The following TMEM63A variants were observed in gnomAD, a reference collection of about 807,000 sequenced individuals.
TMEM63A encodes mechanosensitive cation channel TMEM63A.
In TMEM63A, 76 loss-of-function variants were observed where a neutral mutation model predicts 100.6. The observed-to-expected ratio is 0.76, with a 90% CI of 0.63 to 0.91. The LOEUF (loss-of-function observed/expected upper bound fraction) is 0.91, where lower values mean the gene tolerates loss of function less well. Among genes scored for constraint, TMEM63A ranks in the 40% least tolerant of loss-of-function variants. The pLI is 0.00. For missense variants in TMEM63A, 876 were observed against 1,008.8 expected, an observed-to-expected ratio of 0.87 and a Z score of 1.78; for synonymous variants, 401 against 401.1, an observed-to-expected ratio of 1.00 and a Z score of 0.00.
chr1:225,866,418 G>T, intron 9 of TMEM63A, 156 bp downstream of exon 9: 2 of 621,244 alleles, frequency 3.2e-6, no homozygotes, highest in Non-Finnish European at 2.8e-6. Flanking sequence ...TTTTAAAGAT[G>T]GTGCCAAGTG....
At chr1:225,847,279 C>T (rs1032946114) in intron 23 of TMEM63A, 66 bp from the exon 24 acceptor site, 5 of 1,560,454 alleles carry the variant, frequency 3.2e-6, no homozygotes, top group East Asian at 2.3e-5. Context: ...TCCCTCCCCT[C>T]CTGCCCTTCT....
chr1:225,880,159 G>A (rs535312087), intron 1 of TMEM63A, among the ~76,000 whole-genome samples: 114 of 152,276 alleles, frequency 7.5e-4, no homozygotes, highest in African/African-American at 2.6e-3. Context: ...ATCAGCCTGA[G>A]ACGGAGGTAA....
At chr1:225,854,504 A>G (rs1669514366) in intron 18 of TMEM63A, among the ~76,000 whole-genome samples, 1 of 152,186 alleles carries the variant, frequency 6.6e-6, no homozygotes, top group Non-Finnish European at 1.5e-5. Flanking sequence ...GAGGGATAGA[A>G]AGGAAACAAG....
At chr1:225,866,030 T>A in intron 9 of TMEM63A, 63 bp from the exon 10 acceptor site, 1 of 1,551,720 alleles carries the variant, frequency 6.4e-7, no homozygotes, top group Non-Finnish European at 8.9e-7. Context: ...TATGCTCAGG[T>A]TTCCTACCCA....
intron 3 of TMEM63A, among the ~76,000 whole-genome samples, chr1:225,875,842 T>C (rs950227608): frequency 3.3e-5 from 5 of 150,656 alleles, no homozygotes; most frequent in African/African-American, 1.2e-4. Flanking sequence ...GGCTGGTGAA[T>C]CGCTTGAGCT....
chr1:225,858,456 C>T (rs1296782556), intron 15 of TMEM63A, among the ~76,000 whole-genome samples: 1 of 151,300 alleles, frequency 6.6e-6, no homozygotes, highest in African/African-American at 2.4e-5. Context: ...TCCTGACTAT[C>T]TGGGATTATA....
intron 3 of TMEM63A, among the ~76,000 whole-genome samples, chr1:225,877,146 A>G (rs360094): frequency 0.57 from 87,071 of 152,034 alleles, 26,839 homozygotes; most frequent in Non-Finnish European, 0.67. Flanking sequence ...GCATAGCTAT[A>G]TGAGTATTCT....
intron 6 of TMEM63A, among the ~76,000 whole-genome samples, chr1:225,868,517 A>G (rs1670331832): frequency 6.6e-6 from 1 of 151,308 alleles, no homozygotes; most frequent in African/African-American, 2.4e-5. Context: ...CTACTAAAAA[A>G]TACTAAAAAA....
At chr1:225,855,825 G>A in intron 18 of TMEM63A, 53 bp downstream of exon 18, 1 of 1,587,800 alleles carries the variant, frequency 6.3e-7, no homozygotes, top group Non-Finnish European at 8.6e-7. Flanking sequence ...CCCAGCCCCT[G>A]TGGGACTTTC....
At chr1:225,877,208 T>A (rs1670848615) in intron 3 of TMEM63A, among the ~76,000 whole-genome samples, 187 bp downstream of exon 3, 1 of 152,158 alleles carries the variant, frequency 6.6e-6, no homozygotes, top group South Asian at 2.1e-4. Flanking sequence ...GATCTCCATT[T>A]CCGGAGCAGA....
At chr1:225,842,409 T>G (rs1576040578), downstream of TMEM63A, 7 of 1,614,010 alleles carry the variant, frequency 4.3e-6, no homozygotes, top group Non-Finnish European at 5.9e-6. Flanking sequence ...CTGCCTATAT[T>G]CTAGAGAAGT....
chr1:225,878,308 AGAG>A (rs977182291), intron 2 of TMEM63A, among the ~76,000 whole-genome samples: 2 of 152,182 alleles, frequency 1.3e-5, no homozygotes, highest in African/African-American at 4.8e-5. Context: ...ACTTTGCCAC[AGAG>A]GAGAAAGTAA....
intron 5 of TMEM63A, 21 bp from the exon 6 acceptor site, chr1:225,871,134 G>A: frequency 6.2e-7 from 1 of 1,612,794 alleles, no homozygotes; most frequent in Non-Finnish European, 8.5e-7. Context: ...AGAGAACAGG[G>A]ATTAGCTTCC....
At chr1:225,850,188 C>T in intron 20 of TMEM63A, 109 bp from the exon 21 acceptor site, 1 of 1,291,382 alleles carries the variant, frequency 7.7e-7, no homozygotes, top group South Asian at 1.4e-5. Context: ...GCTGGGGCTG[C>T]TGCTCTACTG....
At chr1:225,873,055 A>G (rs1486466258) in intron 4 of TMEM63A, among the ~76,000 whole-genome samples, 2 of 152,072 alleles carry the variant, frequency 1.3e-5, no homozygotes, top group East Asian at 3.9e-4. Flanking sequence ...AAGACAAAAC[A>G]CATGACGAAA....
In TMEM63A at chr1:225,853,663, GC is replaced by G; in HGVS notation, c.1762del (p.Ala588ProfsTer81). The part of the protein sequence containing the change: ...LILYTFRMIM[A>X]KTAADRRNVK... Reference sequence around the variant, plus strand: ...ATTCCTGCGGTCAGCAGCCGTCTTGGCCATGATCATGCGGAAGGTATAGAGG... The same window carrying G: ...ATTCCTGCGGTCAGCAGCCGTCTTGGCATGATCATGCGGAAGGTATAGAGG... On this transcript the variant is annotated frameshift_variant, in exon 19 of 25. Coordinates refer to ENST00000366835, the MANE Select transcript of TMEM63A (RefSeq NM_014698.3). LOFTEE classifies it high-confidence loss of function. The surrounding 1 kb of genome is among the most constrained non-coding windows in gnomAD (Gnocchi z 4.0). 1.3e-6 allele frequency: 2 copies of G among 1,576,978 alleles called. No individual in the cohort carries two copies. The highest frequency in any genetic ancestry group is 2.7e-5 in the African/African-American group (2 of 74,490).
intron 21 of TMEM63A, among the ~76,000 whole-genome samples, chr1:225,849,636 ACAC>A (rs2102815143): frequency 6.6e-6 from 1 of 152,190 alleles, no homozygotes; most frequent in Admixed American, 6.5e-5. Flanking sequence ...CAGGCTGTCA[ACAC>A]CACACCCAAC....
intron 21 of TMEM63A, 70 bp downstream of exon 21, chr1:225,849,842 A>G: frequency 1.3e-6 from 2 of 1,561,740 alleles, no homozygotes. Context: ...GCAATGAGGG[A>G]TCTGACTGGC....
Position 225,860,937 on chromosome 1 carries a change from C to T in TMEM63A, c.1146G>A (p.Gln382=), listed in dbSNP as rs758855922. 1 of 1,613,164 alleles carries T rather than the reference C, an allele frequency of 6.2e-7. No homozygotes were observed. Among genetic ancestry groups the T allele is most frequent in the Non-Finnish European group, 8.5e-7 (1 of 1,179,606 alleles). ...CQSLQCKGEP[Q]PSSHSRELYT... ...AGAGCTCCCTGCTATGGGAGGACGGCTGGGGCTCACCTTTGCACTGAAGGC... is the reference window on the plus strand; with the variant it reads ...AGAGCTCCCTGCTATGGGAGGACGGTTGGGGCTCACCTTTGCACTGAAGGC... Residue 382 remains glutamine, a synonymous_variant, in exon 14 of 25, where the codon CAG becomes CAA. Coordinates refer to ENST00000366835, the MANE Select transcript of TMEM63A (RefSeq NM_014698.3).
Sources: allele counts gnomAD v4.1 joint callset (sites outside exome capture counted in the v4.1 genomes callset), GRCh38; gene constraint gnomAD v4.1.1; non-coding constraint Gnocchi (gnomAD v3.1); transcripts MANE v1.5; gene names NCBI Gene and HGNC (gene_info 2026-07-23, HGNC 2026-07-21).